The following PTPRT variants were observed in gnomAD, a reference collection of about 807,000 sequenced individuals.
PTPRT encodes the protein receptor-type tyrosine-protein phosphatase T.
Under a neutral mutation model 176.8 loss-of-function variants are expected in PTPRT, and 56 were observed. The observed-to-expected ratio is 0.32, with a 90% CI of 0.26 to 0.40. The LOEUF (loss-of-function observed/expected upper bound fraction) is 0.40. PTPRT is among the 10% of genes least tolerant of loss of function. PTPRT has a pLI of 1.00. For missense variants in PTPRT, 1,540 were observed against 1,908.2 expected, an observed-to-expected ratio of 0.81 and a Z score of 3.60; for synonymous variants, 783 against 739.0, an observed-to-expected ratio of 1.06 and a Z score of -0.96.
intron 7 of PTPRT, among the ~76,000 whole-genome samples, chr20:42,524,994 C>T (rs979840623): frequency 3.5e-4 from 53 of 152,168 alleles, no homozygotes; most frequent in African/African-American, 1.3e-3. Context: ...TCCATTATCC[C>T]ATTATTCATG....
intron 16 of PTPRT, among the ~76,000 whole-genome samples, chr20:42,188,631 A>C (rs1600652362): frequency 6.6e-6 from 1 of 152,132 alleles, no homozygotes; most frequent in Non-Finnish European, 1.5e-5. Flanking sequence ...AGGGGGGGAA[A>C]TTGGTCTCTA....
At chr20:42,548,586 T>C (rs1368540277) in intron 7 of PTPRT, among the ~76,000 whole-genome samples, 1 of 152,228 alleles carries the variant, frequency 6.6e-6, no homozygotes, top group African/African-American at 2.4e-5. Context: ...GGTGGAGGAC[T>C]TAAGACTTGA....
chr20:43,051,720 G>A (rs1340110163), intron 1 of PTPRT, among the ~76,000 whole-genome samples: 2 of 149,140 alleles, frequency 1.3e-5, no homozygotes, highest in African/African-American at 5.0e-5. Flanking sequence ...AACCGCAGCT[G>A]TATCTCTCTA....
rs2145525864 is a variant in PTPRT, at chr20:42,352,283, G to C, written c.1563C>G (p.Ile521Met). The C allele has an allele frequency of 1.2e-6, 2 of 1,614,080 alleles. No homozygotes were observed. Among genetic ancestry groups the C allele is most frequent in the East Asian group, 2.2e-5 (1 of 44,870 alleles). ...CCAGCGAGCCGACAGCCTTGTAGTT[G>C]ATCTGTAGGACAAGCCAGCAAACAA... Reference protein sequence around the residue: ...ETNGVITLYEINYKAVGSLDP... With the variant: ...ETNGVITLYEMNYKAVGSLDP... The change falls in exon 10 of 31, where the codon ATC (isoleucine) becomes ATG (methionine). Residue 521 changes from isoleucine (I) to methionine (M), a missense_variant and splice_region_variant. Ile to Met is a conservative substitution (Grantham distance 10). Transcript: ENST00000373187.
chr20:42,119,758 C>T (rs1271591736), intron 20 of PTPRT, among the ~76,000 whole-genome samples, 177 bp downstream of exon 20: 2 of 152,216 alleles, frequency 1.3e-5, no homozygotes, highest in Non-Finnish European at 2.9e-5. Context: ...TCAGCCTACC[C>T]CTCCGTGGCT....
At chr20:42,265,957 C>T (rs970598705) in intron 13 of PTPRT, among the ~76,000 whole-genome samples, 27 of 151,988 alleles carry the variant, frequency 1.8e-4, no homozygotes, top group African/African-American at 6.3e-4. Flanking sequence ...GTGCCAAGGC[C>T]GTGATTTAAA....
At chr20:42,416,461 C>T (rs2059066900) in intron 9 of PTPRT, among the ~76,000 whole-genome samples, 1 of 152,336 alleles carries the variant, frequency 6.6e-6, no homozygotes, top group African/African-American at 2.4e-5. Context: ...TACTTCCCAA[C>T]ATCATCAAAC....
intron 1 of PTPRT, among the ~76,000 whole-genome samples, chr20:43,138,748 C>T (rs373784055): frequency 2.5e-3 from 385 of 152,304 alleles, no homozygotes; most frequent in Middle Eastern, 6.8e-3. Flanking sequence ...CCTAGCCTCA[C>T]GCCCCACCAG....
intron 7 of PTPRT, among the ~76,000 whole-genome samples, chr20:42,612,487 C>T (rs1455288564): frequency 6.6e-6 from 1 of 152,182 alleles, no homozygotes; most frequent in African/African-American, 2.4e-5. Flanking sequence ...CATTTAAGCC[C>T]ATTTTCCATG....
chr20:43,159,630 G>GA (rs1028423131), intron 1 of PTPRT, among the ~76,000 whole-genome samples: 2 of 152,132 alleles, frequency 1.3e-5, no homozygotes, highest in African/African-American at 4.8e-5. Flanking sequence ...AAGCCACACA[G>GA]AAAATGCCTT....
intron 2 of PTPRT, among the ~76,000 whole-genome samples, chr20:42,792,777 C>A (rs938676962): frequency 2.4e-4 from 36 of 152,274 alleles, no homozygotes; most frequent in African/African-American, 8.2e-4. Flanking sequence ...ACTAACAGCT[C>A]CCAGTTAATA....
intron 6 of PTPRT, chr20:42,687,818 C>T (rs2075724089): frequency 6.6e-6 from 1 of 152,196 alleles, no homozygotes; most frequent in East Asian, 1.9e-4. Flanking sequence ...TGTACACCCA[C>T]AGGATGGTGA....
Position 42,448,204 on chromosome 20 carries a change from C to T in PTPRT, c.1560+16G>A. The stretch of plus-strand genomic sequence containing the variant: ...TAAAGCTAAGCCAATGGATGCAGCA[C>T]AAGGGACCTCCTTACCTCGTAGAGC... On this transcript the variant is annotated intron_variant, in intron 9 of 30. Coordinates refer to ENST00000373187, the MANE Select transcript of PTPRT (RefSeq NM_007050.6). 4.4e-6 allele frequency: 7 copies of T among 1,579,612 alleles called. No homozygotes were observed. The highest frequency in any genetic ancestry group is 6.1e-6 in the Non-Finnish European group (7 of 1,149,038).
At chr20:43,000,061 A>AGGAGGGAGGGAGGGAG (rs3030231) in intron 1 of PTPRT, among the ~76,000 whole-genome samples, 12 of 81,932 alleles carry the variant, frequency 1.5e-4, no homozygotes, top group African/African-American at 6.4e-4. Flanking sequence ...GAAGAAGGGA[A>AGGAGGGAGGGAGGGAG]GGAGGGAGGG....
chr20:42,703,326 A>G (rs1385734224), intron 6 of PTPRT, among the ~76,000 whole-genome samples: 1 of 152,178 alleles, frequency 6.6e-6, no homozygotes, highest in African/African-American at 2.4e-5. Flanking sequence ...TTCATTGACT[A>G]TTTCCATAAA....
chr20:42,703,237 C>G (rs544093031), intron 6 of PTPRT, among the ~76,000 whole-genome samples: 15 of 151,364 alleles, frequency 9.9e-5, no homozygotes, highest in Middle Eastern at 3.4e-3. Flanking sequence ...GAGAGAGAGA[C>G]AGAGACAGAC....
the PTPRT span, among the ~76,000 whole-genome samples, chr20:42,060,890 C>T: frequency 0.019 from 2,960 of 152,244 alleles, 72 homozygotes; most frequent in East Asian, 0.13. Flanking sequence ...TTTGTGAGAA[C>T]CAGCATGTGA....
intron 6 of PTPRT, among the ~76,000 whole-genome samples, chr20:42,694,313 C>T (rs1300194745): frequency 6.6e-6 from 1 of 152,190 alleles, no homozygotes; most frequent in Admixed American, 6.5e-5. Flanking sequence ...GCTGGGATTA[C>T]AGGCATGAGC....
chr20:43,041,074 G>T (rs1986585948), intron 1 of PTPRT, among the ~76,000 whole-genome samples: 1 of 152,140 alleles, frequency 6.6e-6, no homozygotes, highest in Admixed American at 6.5e-5. Flanking sequence ...GCAATCTGTG[G>T]TTTAACAAGC....
Sources: allele counts gnomAD v4.1 joint callset (sites outside exome capture counted in the v4.1 genomes callset), GRCh38; gene constraint gnomAD v4.1.1; transcripts MANE v1.5; gene names NCBI Gene and HGNC (gene_info 2026-07-23, HGNC 2026-07-21).